The following MND1 variants were observed in gnomAD, a reference collection of about 807,000 sequenced individuals.
MND1 encodes the protein meiotic nuclear division protein 1 homolog.
A neutral mutation model predicts 35.1 loss-of-function variants in MND1; 28 were observed. The ratio of observed to expected loss-of-function variants is 0.80; its 90% confidence interval spans 0.59 to 1.09. The LOEUF is 1.09. MND1 is among the 50% of genes least tolerant of loss of function. MND1 has a pLI of 0.00. For missense variants in MND1, 213 were observed against 239.6 expected (o/e 0.89, Z 0.73); for synonymous variants, 69 against 70.5 (o/e 0.98, Z 0.11).
chr4:153,380,766 G>A (rs1481636826), intron 4 of MND1, among the ~76,000 whole-genome samples: 1 of 152,146 alleles, frequency 6.6e-6, no homozygotes, highest in Admixed American at 6.5e-5. Flanking sequence ...GAAATTAAAC[G>A]ACTCAAAGAT....
chr4:153,348,728 C>G (rs1773135585), intron 1 of MND1, among the ~76,000 whole-genome samples: 1 of 151,954 alleles, frequency 6.6e-6, no homozygotes, highest in South Asian at 2.1e-4. Flanking sequence ...CCAGGCTGGT[C>G]TCAAACTCCC....
intron 4 of MND1, among the ~76,000 whole-genome samples, chr4:153,385,883 G>A (rs1728843326): frequency 6.6e-6 from 1 of 152,100 alleles, no homozygotes; most frequent in Admixed American, 6.6e-5. Flanking sequence ...GCAGTAATTT[G>A]GGCTGTTTGC....
intron 3 of MND1, among the ~76,000 whole-genome samples, chr4:153,356,797 T>C: frequency 6.6e-6 from 1 of 151,982 alleles, no homozygotes; most frequent in East Asian, 1.9e-4. Flanking sequence ...TTTATTTATT[T>C]ATTTATTTGT....
At chr4:153,391,632 C>T (rs1168877493) in intron 4 of MND1, among the ~76,000 whole-genome samples, 1 of 151,648 alleles carries the variant, frequency 6.6e-6, no homozygotes, top group Non-Finnish European at 1.5e-5. Flanking sequence ...GAGGCTGAGG[C>T]AGCAGAATCG....
At position 153,345,889 on chromosome 4, in the gene MND1, CAG is replaced by C. The variant is rs1773066390; in HGVS notation, c.3+1152_3+1153del. ...CCTTCTGTGTTACAATTTTTCTCTG[CAG>C]AGTTGCTGGCCTCGTATAACTGACT... On this transcript the variant is annotated intron_variant, in intron 1 of 7. Coordinates refer to ENST00000240488, the MANE Select transcript of MND1 (RefSeq NM_032117.4). 5.3e-5 allele frequency among the ~76,000 whole-genome samples: 8 copies of C among 152,344 alleles called. No individual in the cohort carries two copies. In the South Asian group the frequency reaches 1.7e-3, roughly 32 times the overall value.
chr4:153,350,094 A>G lies in MND1; in HGVS notation c.34A>G (p.Lys12Glu). ...SKKKGLSAEE[K>E]RTRMMEIFSE... Reference sequence around the variant, plus strand: ...GAAAAAAGGACTGAGTGCAGAAGAAAAGAGAACTCGCATGATGGAAATATT... The same window carrying G: ...GAAAAAAGGACTGAGTGCAGAAGAAGAGAGAACTCGCATGATGGAAATATT... The change falls in exon 2 of 8, where the codon AAG becomes GAG. Residue 12 changes from lysine (K) to glutamate (E), a missense_variant. Lys to Glu is a moderately conservative substitution (Grantham distance 56). Transcript: ENST00000240488. 6.2e-7 allele frequency: 1 copy of G among 1,607,466 alleles called. No individual in the cohort carries two copies.
intron 4 of MND1, among the ~76,000 whole-genome samples, chr4:153,358,932 CAG>C (rs984324575): frequency 6.6e-5 from 10 of 152,062 alleles, no homozygotes; most frequent in South Asian, 2.1e-4. Context: ...TGGAAAAGTA[CAG>C]AGAGTTCCCA....
At chr4:153,391,245 C>A (rs534502153) in intron 4 of MND1, among the ~76,000 whole-genome samples, 2 of 151,892 alleles carry the variant, frequency 1.3e-5, no homozygotes, top group East Asian at 3.9e-4. Context: ...CTCATTGCAA[C>A]CTCTGCCTCC....
intron 6 of MND1, among the ~76,000 whole-genome samples, chr4:153,408,653 A>G (rs1183675767): frequency 6.6e-6 from 1 of 152,088 alleles, no homozygotes; most frequent in East Asian, 1.9e-4. Context: ...TCTCATTTAA[A>G]CTTACATGTT....
intron 4 of MND1, among the ~76,000 whole-genome samples, chr4:153,367,035 C>T (rs566997940): frequency 6.6e-6 from 1 of 152,288 alleles, no homozygotes; most frequent in East Asian, 1.9e-4. Flanking sequence ...CGCCTCTCCC[C>T]TTGGCTGCCA....
At chr4:153,391,353 G>A (rs1294862044) in intron 4 of MND1, among the ~76,000 whole-genome samples, 1 of 151,896 alleles carries the variant, frequency 6.6e-6, no homozygotes, top group African/African-American at 2.4e-5. Context: ...AGTAGAGACA[G>A]GGTTTCCCCA....
chr4:153,372,527 A>G (rs552350755), intron 4 of MND1, among the ~76,000 whole-genome samples: 50 of 152,312 alleles, frequency 3.3e-4, no homozygotes, highest in South Asian at 1.9e-3. Context: ...CCACGAAACT[A>G]TCACCACAAT....
At chr4:153,389,112 G>A (rs1281928003) in intron 4 of MND1, among the ~76,000 whole-genome samples, 5 of 152,224 alleles carry the variant, frequency 3.3e-5, no homozygotes, top group African/African-American at 1.2e-4. Flanking sequence ...ATGTAAAATA[G>A]GTGAAGCGTG....
chr4:153,371,441 G>T (rs1398095027), intron 4 of MND1, among the ~76,000 whole-genome samples: 1 of 152,056 alleles, frequency 6.6e-6, no homozygotes, highest in Admixed American at 6.5e-5. Context: ...GTTTAGTGTA[G>T]CTTGGCTAGG....
intron 4 of MND1, among the ~76,000 whole-genome samples, chr4:153,385,715 CAAAAAAAA>C (rs60037291): frequency 4.8e-5 from 4 of 83,694 alleles, no homozygotes; most frequent in Admixed American, 2.8e-4. Context: ...GACCCTGTCT[CAAAAAAAA>C]AAAAAAAAAA....
Position 153,384,443 on chromosome 4 carries a change from A to ATTTTTT in MND1, c.277-9795_277-9790dup, listed in dbSNP as rs561004288. Among the ~76,000 whole-genome samples, 98 of 63,190 alleles carry ATTTTTT rather than the reference A, an allele frequency of 1.6e-3. 3 individuals carry two copies. The highest frequency in any genetic ancestry group is 0.012 in the Middle Eastern group (1 of 86). The allele number at this position is 63,190 out of a possible 152,430, so 41.5% of individuals were successfully genotyped here. On this transcript the variant is annotated intron_variant, in intron 4 of 7. Coordinates refer to ENST00000240488, the MANE Select transcript of MND1 (RefSeq NM_032117.4). ...TGCCACCATGCCCAGCTAATGTTTA[A>ATTTTTT]TTTTTTTTTTTTTTTTTTTTTTTTT... is the stretch of plus-strand genomic sequence containing the variant.
intron 7 of MND1, among the ~76,000 whole-genome samples, chr4:153,412,321 A>G (rs1055691991): frequency 2.0e-5 from 3 of 152,178 alleles, no homozygotes; most frequent in Non-Finnish European, 4.4e-5. Context: ...ATGCCGCAAC[A>G]AAACATCACA....
intron 5 of MND1, among the ~76,000 whole-genome samples, chr4:153,395,249 C>G (rs1463105426): frequency 6.6e-6 from 1 of 152,200 alleles, no homozygotes; most frequent in African/African-American, 2.4e-5. Flanking sequence ...TTGACAGTAG[C>G]AACTACTACT....
chr4:153,388,276 G>A (rs944639478), intron 4 of MND1, among the ~76,000 whole-genome samples: 9 of 152,174 alleles, frequency 5.9e-5, no homozygotes. Context: ...GATCACCTGA[G>A]CCCGGGAGTT....
Sources: gnomAD v4.1 joint callset for allele counts (sites outside exome capture counted in the v4.1 genomes callset) on GRCh38, gnomAD v4.1.1 for gene constraint, MANE v1.5 for transcripts, NCBI Gene and HGNC (gene_info 2026-07-23, HGNC 2026-07-21) for gene names.